The following SORCS1 variants were observed in gnomAD, a reference collection of about 807,000 sequenced individuals.
SORCS1 encodes the protein sortilin related VPS10 domain containing receptor 1.
In SORCS1, 60 loss-of-function variants were observed where a neutral mutation model predicts 146.1. The observed-to-expected ratio is 0.41, with a 90% CI of 0.33 to 0.51. The LOEUF is 0.51. Ranked by LOEUF, SORCS1 falls within the 20% of genes least tolerant of loss-of-function variation. The pLI, the probability that SORCS1 is intolerant of heterozygous loss-of-function variation, is 0.21. For missense variants in SORCS1, 1,352 were observed against 1,487.6 expected (o/e 0.91, Z 1.50); for synonymous variants, 637 against 584.0 (o/e 1.09, Z -1.31).
chr10:106,810,111 C>T (rs1267466209), intron 3 of SORCS1, among the ~76,000 whole-genome samples: 1 of 152,096 alleles, frequency 6.6e-6, no homozygotes, highest in Non-Finnish European at 1.5e-5. Flanking sequence ...GTCCCAACTA[C>T]CTGGGAGGCT....
rs543923249 is a variant in SORCS1, at chr10:107,106,495, T to G, written c.558+57474A>C. ...TTTATCTCCTGAAGAAGTGCTTTTCTTTTACAAACTATATATCTAAATATT... is the reference window on the plus strand; with the variant it reads ...TTTATCTCCTGAAGAAGTGCTTTTCGTTTACAAACTATATATCTAAATATT... On this transcript the variant is annotated intron_variant, in intron 1 of 25. Transcript: ENST00000263054. Among the ~76,000 whole-genome samples the G allele has an allele frequency of 5.9e-5, 9 of 152,314 alleles. No individual in the cohort carries two copies. The South Asian group carries it at 1.9e-3, about 32-fold the overall frequency.
intron 2 of SORCS1, among the ~76,000 whole-genome samples, chr10:106,850,894 C>T (rs1589550663): frequency 1.3e-5 from 2 of 152,220 alleles, no homozygotes; most frequent in Non-Finnish European, 2.9e-5. Context: ...GCCTAGGAGT[C>T]TACCTATCAG....
At chr10:106,933,391 G>A (rs888308399) in intron 2 of SORCS1, among the ~76,000 whole-genome samples, 11 of 152,238 alleles carry the variant, frequency 7.2e-5, no homozygotes, top group African/African-American at 2.2e-4. Context: ...GTTAATGTTC[G>A]CAGGATTGAC....
chr10:106,710,175 G>C (rs1223583431), intron 6 of SORCS1, among the ~76,000 whole-genome samples: 2 of 152,162 alleles, frequency 1.3e-5, no homozygotes, highest in East Asian at 3.9e-4. Flanking sequence ...AGAGCCGGGA[G>C]CTGTGGCTCA....
At chr10:106,880,358 A>G (rs1950762538) in intron 2 of SORCS1, among the ~76,000 whole-genome samples, 2 of 152,254 alleles carry the variant, frequency 1.3e-5, no homozygotes, top group Admixed American at 1.3e-4. Flanking sequence ...TTGTGTTAAA[A>G]GAAAAAATAC....
At chr10:106,582,335 T>C (rs893068711) in intron 24 of SORCS1, among the ~76,000 whole-genome samples, 3 of 152,196 alleles carry the variant, frequency 2.0e-5, no homozygotes, top group African/African-American at 7.2e-5. Flanking sequence ...CTAAAATGTG[T>C]GTTATCCATT....
At chr10:107,013,622 C>T (rs1434022943) in intron 1 of SORCS1, among the ~76,000 whole-genome samples, 2 of 152,030 alleles carry the variant, frequency 1.3e-5, no homozygotes, top group African/African-American at 4.8e-5. Context: ...ACCTAAAGAG[C>T]TCTTTAGGGA....
At position 106,784,606 on chromosome 10, in the gene SORCS1, C is replaced by T. The variant is rs565363064; in HGVS notation, c.727-7914G>A. On this transcript the variant is annotated intron_variant, in intron 3 of 25. Coordinates refer to ENST00000263054, the MANE Select transcript of SORCS1 (RefSeq NM_052918.5). Reference sequence around the variant, plus strand: ...CATTACAAGTCCCAAAGTAACTTCTCTCTTAAATCCCCAAAGGTCTATAAA... The same window carrying T: ...CATTACAAGTCCCAAAGTAACTTCTTTCTTAAATCCCCAAAGGTCTATAAA... Among the ~76,000 whole-genome samples, 50 of 152,284 alleles carry T rather than the reference C, an allele frequency of 3.3e-4. 1 individual carries two copies. The South Asian group carries it at 4.8e-3, about 15-fold the overall frequency.
intron 18 of SORCS1, among the ~76,000 whole-genome samples, chr10:106,645,096 T>G (rs1177272205): frequency 6.6e-6 from 1 of 151,980 alleles, no homozygotes; most frequent in Non-Finnish European, 1.5e-5. Flanking sequence ...ATTATATGAA[T>G]GACCAGATGC....
At chr10:106,669,789 G>C (rs1380856914) in intron 16 of SORCS1, among the ~76,000 whole-genome samples, 3 of 152,168 alleles carry the variant, frequency 2.0e-5, no homozygotes, top group Admixed American at 2.0e-4. Context: ...TCTTGGCTTG[G>C]CGTCCTCACC....
chr10:106,968,499 T>C (rs10450377), intron 1 of SORCS1, among the ~76,000 whole-genome samples: 4,418 of 152,360 alleles, frequency 0.029, 193 homozygotes, highest in African/African-American at 0.099. Flanking sequence ...TATGCCTTTA[T>C]ATATTTAGCT....
intron 2 of SORCS1, among the ~76,000 whole-genome samples, chr10:106,893,831 T>G (rs1468311767): frequency 2.0e-5 from 3 of 152,222 alleles, no homozygotes; most frequent in Non-Finnish European, 4.4e-5. Flanking sequence ...TCCCTCCAGC[T>G]CTTCGGGCCA....
chr10:106,924,733 T>TA (rs1304962296), intron 2 of SORCS1, among the ~76,000 whole-genome samples: 1 of 148,768 alleles, frequency 6.7e-6, no homozygotes, highest in East Asian at 2.0e-4. Context: ...CAAGTCTTTT[T>TA]TTTTTTCAAT....
chr10:106,685,192 G>T (rs1852733411), intron 10 of SORCS1, among the ~76,000 whole-genome samples: 1 of 152,184 alleles, frequency 6.6e-6, no homozygotes, highest in Non-Finnish European at 1.5e-5. Flanking sequence ...GGAATGAACA[G>T]CTTCCATTAA....
At chr10:106,938,339 T>C (rs1341032108) in intron 2 of SORCS1, among the ~76,000 whole-genome samples, 4 of 152,200 alleles carry the variant, frequency 2.6e-5, no homozygotes, top group Non-Finnish European at 5.9e-5. Context: ...ACGAGTCTAA[T>C]AAGAAAAATG....
In SORCS1 at chr10:106,688,243, C is replaced by T; in HGVS notation, c.1509G>A (p.Leu503=). 2 of 1,614,098 alleles carry T rather than the reference C, an allele frequency of 1.2e-6. No individual in the cohort carries two copies. Among genetic ancestry groups the T allele is most frequent in the Non-Finnish European group, 8.5e-7 (1 of 1,179,938 alleles). Residue 503 remains leucine, a synonymous_variant, in exon 10 of 26, where the codon TTG becomes TTA. Coordinates refer to ENST00000263054, the MANE Select transcript of SORCS1 (RefSeq NM_052918.5). The stretch of plus-strand genomic sequence containing the variant: ...TTAGATCCGTGTCCGGCGCCTGCAG[C>T]AAACGCCAGTCTCTGCCTTTGTTAT... The part of the protein sequence containing the change: ...ITYNKGRDWR[L]LQAPDTDLRG...
intron 6 of SORCS1, among the ~76,000 whole-genome samples, chr10:106,725,822 T>C (rs1299893203): frequency 1.4e-5 from 2 of 147,880 alleles, no homozygotes; most frequent in Non-Finnish European, 3.0e-5. Flanking sequence ...TCCCAGCTCC[T>C]TGGGAGGCTG....
chr10:106,734,338 T>C (rs1175268738), intron 5 of SORCS1, among the ~76,000 whole-genome samples: 1 of 152,218 alleles, frequency 6.6e-6, no homozygotes, highest in Non-Finnish European at 1.5e-5. Flanking sequence ...TGCAGATGAC[T>C]GAAGTTGAAA....
chr10:107,012,422 T>C (rs1957732072), intron 1 of SORCS1, among the ~76,000 whole-genome samples: 1 of 152,222 alleles, frequency 6.6e-6, no homozygotes, highest in Admixed American at 6.5e-5. Context: ...ATAATGGACA[T>C]GATACATAAG....
Sources: allele counts gnomAD v4.1 joint callset (sites outside exome capture counted in the v4.1 genomes callset), GRCh38; gene constraint gnomAD v4.1.1; transcripts MANE v1.5; gene names NCBI Gene and HGNC (gene_info 2026-07-23, HGNC 2026-07-21).